CSRP2: variants seen among roughly 807,000 people sequenced by gnomAD.
CSRP2 encodes the protein cysteine and glycine-rich protein 2.
Under a neutral mutation model 24.6 loss-of-function variants are expected in CSRP2, and 18 were observed. The ratio of observed to expected loss-of-function variants is 0.73; its 90% CI spans 0.51 to 1.09. CSRP2 has a LOEUF of 1.09. Ranked by LOEUF, CSRP2 falls within the 50% of genes least tolerant of loss-of-function variation. CSRP2 has a pLI of 0.00. For missense variants in CSRP2, 215 were observed against 239.4 expected (o/e 0.90, Z 0.67); for synonymous variants, 87 against 84.3 (o/e 1.03, Z -0.18).
At chr12:76,871,593 A>T (rs1953798874) in intron 1 of CSRP2, among the ~76,000 whole-genome samples, 1 of 151,914 alleles carries the variant, frequency 6.6e-6, no homozygotes, top group Admixed American at 6.6e-5. Flanking sequence ...ACACGGTGAA[A>T]CCCCGTCTCT....
At chr12:76,859,810 T>C (rs1165862175) in intron 4 of CSRP2, among the ~76,000 whole-genome samples, 170 bp from the exon 5 acceptor site, 2 of 152,216 alleles carry the variant, frequency 1.3e-5, no homozygotes, top group African/African-American at 4.8e-5. Context: ...GCACTCTTGA[T>C]CACCCACAGA....
intron 2 of CSRP2, chr12:76,864,839 A>C (rs374817174): frequency 1.3e-5 from 2 of 152,228 alleles, no homozygotes; most frequent in East Asian, 1.9e-4. Context: ...CCTAAAGATA[A>C]CTATATCTTA....
intron 1 of CSRP2, 48 bp from the exon 2 acceptor site, chr12:76,866,309 G>C (rs982156122): frequency 7.6e-6 from 11 of 1,456,704 alleles, no homozygotes; most frequent in Non-Finnish European, 8.6e-6. Context: ...TGGTCGTACG[G>C]CTCCCTAGAG....
At position 76,860,471 on chromosome 12, in the gene CSRP2, C is replaced by T. The variant is rs540993317; in HGVS notation, c.282-58G>A. 13 of 1,591,874 alleles carry T rather than the reference C, an allele frequency of 8.2e-6. No individual in the cohort carries two copies. The South Asian group carries it at 1.2e-4, about 15-fold the overall frequency. ...AGTTTCCACAGGGCCCTTTTAAGTA[C>T]ACAAGGCAGGAACAATAGAACTCTG... On this transcript the variant is annotated intron_variant, in intron 3 of 5. Transcript: ENST00000311083.
chr12:76,875,487 C>T (rs1421286691), intron 1 of CSRP2, among the ~76,000 whole-genome samples: 1 of 152,228 alleles, frequency 6.6e-6, no homozygotes, highest in Non-Finnish European at 1.5e-5. Context: ...TGATCCCCAA[C>T]ATCTGCCATA....
intron 3 of CSRP2, 142 bp from the exon 4 acceptor site, chr12:76,860,555 G>A (rs963442881): frequency 6.8e-5 from 63 of 921,422 alleles, no homozygotes; most frequent in Middle Eastern, 2.3e-4. Flanking sequence ...CACAGGGGAG[G>A]GAATAAAGAA....
chr12:76,869,982 GCTGGAAGTTC>G (rs1407077301), intron 1 of CSRP2, among the ~76,000 whole-genome samples: 1 of 152,218 alleles, frequency 6.6e-6, no homozygotes, highest in Admixed American at 6.5e-5. Context: ...ACAGACATCT[GCTGGAAGTTC>G]CCTCATGATT....
At chr12:76,869,484 T>C (rs1953770499) in intron 1 of CSRP2, among the ~76,000 whole-genome samples, 1 of 150,122 alleles carries the variant, frequency 6.7e-6, no homozygotes, top group African/African-American at 2.5e-5. Flanking sequence ...ATAAATTCCC[T>C]TCTTAAGTCA....
At chr12:76,862,630 T>A (rs1953693684) in intron 3 of CSRP2, 1 of 788,480 alleles carries the variant, frequency 1.3e-6, no homozygotes, top group African/African-American at 1.8e-5. Flanking sequence ...TTTCACAAAT[T>A]TAGCACCTTG....
intron 1 of CSRP2, among the ~76,000 whole-genome samples, chr12:76,871,589 T>C (rs1953798674): frequency 6.6e-6 from 1 of 151,946 alleles, no homozygotes; most frequent in Admixed American, 6.6e-5. Flanking sequence ...GCTAACACGG[T>C]GAAACCCCGT....
chr12:76,871,935 A>T (rs1055864690), intron 1 of CSRP2, among the ~76,000 whole-genome samples: 1 of 151,970 alleles, frequency 6.6e-6, no homozygotes, highest in Non-Finnish European at 1.5e-5. Flanking sequence ...TTTTTCTTAC[A>T]AGCCTTTGGC....
At chr12:76,867,759 C>T (rs1953749340) in intron 1 of CSRP2, among the ~76,000 whole-genome samples, 1 of 152,034 alleles carries the variant, frequency 6.6e-6, no homozygotes, top group South Asian at 2.1e-4. Flanking sequence ...CTAATAAGGC[C>T]GAGGCCTCTT....
At chr12:76,870,669 A>G (rs900413406) in intron 1 of CSRP2, among the ~76,000 whole-genome samples, 2 of 151,944 alleles carry the variant, frequency 1.3e-5, no homozygotes, top group African/African-American at 2.4e-5. Context: ...ACAAAAGAAC[A>G]TTGTCAGAAA....
chr12:76,871,296 C>T (rs1319670525), intron 1 of CSRP2, among the ~76,000 whole-genome samples: 4 of 152,190 alleles, frequency 2.6e-5, no homozygotes, highest in Admixed American at 2.0e-4. Context: ...CTCTATCCAG[C>T]CTGCTATCAG....
chr12:76,877,526 A>G (rs1953863722), intron 1 of CSRP2, among the ~76,000 whole-genome samples: 1 of 152,226 alleles, frequency 6.6e-6, no homozygotes, highest in African/African-American at 2.4e-5. Flanking sequence ...CAATTGTCCA[A>G]GGTACCCAAG....
intron 5 of CSRP2, among the ~76,000 whole-genome samples, 162 bp from the exon 6 acceptor site, chr12:76,859,190 G>A (rs1356199479): frequency 6.6e-6 from 1 of 152,232 alleles, no homozygotes; most frequent in Non-Finnish European, 1.5e-5. Context: ...TCTTAAAGCT[G>A]CAAAGACAAG....
chr12:76,871,801 T>A (rs1953803448), intron 1 of CSRP2, among the ~76,000 whole-genome samples: 1 of 151,992 alleles, frequency 6.6e-6, no homozygotes, highest in South Asian at 2.1e-4. Context: ...AAGTTCAAAT[T>A]TGCACTTTTA....
chr12:76,866,411 A>T, intron 1 of CSRP2, 150 bp from the exon 2 acceptor site: 1 of 580,354 alleles, frequency 1.7e-6, no homozygotes. Context: ...CTCCAAAATA[A>T]CCTCATCTCC....
chr12:76,870,975 CAAAAAAAA>C (rs398020213), intron 1 of CSRP2, among the ~76,000 whole-genome samples: 3 of 57,180 alleles, frequency 5.2e-5, no homozygotes, highest in Admixed American at 2.7e-4. Context: ...GACCCTGTCT[CAAAAAAAA>C]AAAAAAAAAA....
Sources: gnomAD v4.1 joint callset for allele counts (sites outside exome capture counted in the v4.1 genomes callset) on GRCh38, gnomAD v4.1.1 for gene constraint, MANE v1.5 for transcripts, NCBI Gene and HGNC (gene_info 2026-07-23, HGNC 2026-07-21) for gene names.